ZNF664: variants seen among roughly 807,000 people sequenced by gnomAD.
ZNF664 encodes the protein zinc finger Organ of Corti 1.
Under a neutral mutation model 18.2 loss-of-function variants are expected in ZNF664, and 10 were observed. The observed-to-expected ratio is 0.55, with a 90% confidence interval of 0.34 to 0.93. ZNF664 has a LOEUF of 0.93. Among genes scored for constraint, ZNF664 ranks in the 40% least tolerant of loss-of-function variants. The pLI is 0.02. For missense variants in ZNF664, 193 were observed against 319.0 expected, an observed-to-expected ratio of 0.61 and a Z score of 3.01; for synonymous variants, 119 against 104.2, an observed-to-expected ratio of 1.14 and a Z score of -0.86.
chr12:124,002,856 T>C (rs1957029606), intron 3 of ZNF664, among the ~76,000 whole-genome samples: 1 of 152,068 alleles, frequency 6.6e-6, no homozygotes, highest in East Asian at 1.9e-4. Flanking sequence ...ATCACGTGAC[T>C]GGTGAGATTA....
At chr12:123,990,655 G>A (rs1226997628) in intron 3 of ZNF664, among the ~76,000 whole-genome samples, 1 of 152,166 alleles carries the variant, frequency 6.6e-6, no homozygotes. Context: ...CTAAACCTCT[G>A]TGCTTCCTTT....
chr12:123,995,720 A>G (rs560464657), intron 3 of ZNF664, among the ~76,000 whole-genome samples: 1 of 152,374 alleles, frequency 6.6e-6, no homozygotes, highest in East Asian at 1.9e-4. Context: ...CTGGAGGTTC[A>G]TAGTTGTAGG....
chr12:123,985,257 T>A (rs1343576984), intron 2 of ZNF664, among the ~76,000 whole-genome samples: 1 of 152,216 alleles, frequency 6.6e-6, no homozygotes, highest in African/African-American at 2.4e-5. Flanking sequence ...ATTTTTGCTT[T>A]TTTGTTTTTA....
At chr12:123,988,266 C>T (rs996776823) in intron 3 of ZNF664, 128 bp downstream of exon 3, 13 of 771,786 alleles carry the variant, frequency 1.7e-5, no homozygotes, top group East Asian at 6.8e-5. Context: ...AGCAGCTCTC[C>T]GTGCACGCTC....
rs1957139068 is a variant in ZNF664 at position 124,011,897 on chromosome 12, T to C, written c.-248T>C. On this transcript the variant is annotated 5_prime_UTR_variant, in exon 5 of 5. Transcript: ENST00000337815. ...AGTTCTGTGTTAATGAGTTACAGAA[T>C]TCACGTGGAAGTCAATGTCACTTTA... is the stretch of plus-strand genomic sequence containing the variant. 7.7e-7 allele frequency: 1 copy of C among 1,293,226 alleles called. No homozygotes were observed. The highest frequency in any genetic ancestry group is 9.8e-7 in the Non-Finnish European group (1 of 1,025,490). The allele number at this position is 1,293,226 out of a possible 1,614,324, so 80.1% of individuals were successfully genotyped here. A position where few individuals can be genotyped will look rare whatever the true frequency, so the allele number is the denominator to read the frequency against.
intron 2 of ZNF664, among the ~76,000 whole-genome samples, chr12:123,982,885 T>G (rs781696778): frequency 3.9e-5 from 6 of 152,234 alleles, no homozygotes; most frequent in South Asian, 2.1e-4. Context: ...CTGGGCATGG[T>G]GGCTCATGCC....
At chr12:123,989,172 T>C (rs568095499) in intron 3 of ZNF664, 1 of 152,880 alleles carries the variant, frequency 6.5e-6, no homozygotes, top group East Asian at 1.9e-4. Flanking sequence ...GCTAAGCCTA[T>C]GTAGATGTGT....
Position 124,005,524 on chromosome 12 carries a change from T to TGTGAGAGA in ZNF664, c.-660-5856_-660-5855insTGAGAGAG, listed in dbSNP as rs137963321. On this transcript the variant is annotated intron_variant, in intron 3 of 4. Coordinates refer to ENST00000337815, the MANE Select transcript of ZNF664 (RefSeq NM_152437.3). Reference sequence around the variant, plus strand: ...GTGTGTGTGTGTGTGTGTGTGTGTGTGAGAGATAGGCCAGCATGTCTGTAT... The same window carrying TGTGAGAGA: ...GTGTGTGTGTGTGTGTGTGTGTGTGTGTGAGAGAGAGAGATAGGCCAGCATGTCTGTAT... Among the ~76,000 whole-genome samples the TGTGAGAGA allele has an allele frequency of 2.7e-5, 4 of 147,248 alleles. No individual in the cohort carries two copies. The East Asian group carries it at 7.9e-4, about 29-fold the overall frequency.
At chr12:123,983,096 A>G (rs1209576135) in intron 2 of ZNF664, among the ~76,000 whole-genome samples, 8 of 152,182 alleles carry the variant, frequency 5.3e-5, no homozygotes, top group Admixed American at 2.0e-4. Context: ...GTAGTGAGCC[A>G]TGATCACGCC....
intron 2 of ZNF664, among the ~76,000 whole-genome samples, chr12:123,975,362 C>T (rs61953575): frequency 0.02 from 2,974 of 150,930 alleles, 54 homozygotes; most frequent in Non-Finnish European, 0.031. Context: ...ATACATTAGT[C>T]TTCTTAACAA....
intron 3 of ZNF664, among the ~76,000 whole-genome samples, chr12:124,001,156 A>G (rs190855085): frequency 6.6e-6 from 1 of 152,066 alleles, no homozygotes; most frequent in African/African-American, 2.4e-5. Context: ...ATTGTATTGA[A>G]TCTGTCACCA....
chr12:123,989,020 C>G (rs1956857001), intron 3 of ZNF664, among the ~76,000 whole-genome samples: 1 of 152,176 alleles, frequency 6.6e-6, no homozygotes, highest in Non-Finnish European at 1.5e-5. Context: ...CCCCTGCTGC[C>G]AGAGGCTGGT....
rs1402069729 is a variant in ZNF664, at chr12:124,014,054, A to G, written c.*1124A>G. ...CACTGATGAGACAGACAAGGTCCCT[A>G]CTCTTGTGGAGTTTACTTCTGGTGG... On this transcript the variant is annotated 3_prime_UTR_variant, in exon 5 of 5. Coordinates refer to ENST00000337815, the MANE Select transcript of ZNF664 (RefSeq NM_152437.3). 1 of 167,014 alleles carries G rather than the reference A, an allele frequency of 6.0e-6. No homozygotes were observed. Among genetic ancestry groups the G allele is most frequent in the Non-Finnish European group, 1.5e-5 (1 of 68,116 alleles). The allele number at this position is 167,014 out of a possible 1,614,324, so 10.3% of individuals were successfully genotyped here. A position where few individuals can be genotyped will look rare whatever the true frequency, so the allele number is the denominator to read the frequency against.
intron 2 of ZNF664, 134 bp from the exon 3 acceptor site, chr12:123,987,909 C>A: frequency 3.4e-6 from 4 of 1,181,528 alleles, no homozygotes; most frequent in Non-Finnish European, 4.2e-6. Flanking sequence ...TATATAAATC[C>A]CAGATGTAAA....
intron 2 of ZNF664, among the ~76,000 whole-genome samples, chr12:123,981,461 GTTAAC>G (rs1956764360): frequency 1.3e-5 from 2 of 152,142 alleles, no homozygotes; most frequent in South Asian, 4.2e-4. Flanking sequence ...GAGACAGCAT[GTTAAC>G]ATGCTCAGCC....
At position 124,012,573 on chromosome 12, in the gene ZNF664, T is replaced by C. The variant is rs1164372189; in HGVS notation, c.429T>C (p.Phe143=). 6.2e-7 allele frequency: 1 copy of C among 1,613,936 alleles called. No individual in the cohort carries two copies. Among genetic ancestry groups the C allele is most frequent in the Non-Finnish European group, 8.5e-7 (1 of 1,179,944 alleles). Residue 143 remains phenylalanine (F), a synonymous_variant, in exon 5 of 5, where the codon TTT becomes TTC. Coordinates refer to ENST00000337815, the MANE Select transcript of ZNF664 (RefSeq NM_152437.3). ...GAGTCCACACCGGAGAGAAGCCCTT[T>C]AAATGTGAAGAGTGTGGGAAGGCCT... is the stretch of plus-strand genomic sequence containing the variant. ...HQRVHTGEKP[F]KCEECGKAFR...
intron 2 of ZNF664, among the ~76,000 whole-genome samples, chr12:123,979,894 G>A (rs924184089): frequency 3.9e-5 from 6 of 152,062 alleles, no homozygotes; most frequent in African/African-American, 1.2e-4. Context: ...ACGTTACCCA[G>A]GCCAGTCTTG....
Position 123,982,398 on chromosome 12 carries a change from TCTC to T in ZNF664, c.-756-5642_-756-5640del, listed in dbSNP as rs544553409. Among the ~76,000 whole-genome samples the T allele has an allele frequency of 4.4e-4, 67 of 152,264 alleles. No homozygotes were observed. In the Middle Eastern group the frequency reaches 0.017, roughly 39 times the overall value. On this transcript the variant is annotated intron_variant, in intron 2 of 4. Coordinates refer to ENST00000337815, the MANE Select transcript of ZNF664 (RefSeq NM_152437.3). ...GCTCTTTGCCTTCATCTCCCAGGCT[TCTC>T]CTGCTCACTGTGTGTCTGCCCTATG...
chr12:123,998,210 C>T (rs113714262), intron 3 of ZNF664, among the ~76,000 whole-genome samples: 2,021 of 152,230 alleles, frequency 0.013, 20 homozygotes, highest in Middle Eastern at 0.027. Context: ...TCAGGTCCTT[C>T]CCACTCTTCG....
Sources: gnomAD v4.1 joint callset for allele counts (sites outside exome capture counted in the v4.1 genomes callset) on GRCh38, gnomAD v4.1.1 for gene constraint, MANE v1.5 for transcripts, NCBI Gene and HGNC (gene_info 2026-07-23, HGNC 2026-07-21) for gene names.